Variants in ADCY2 observed in about 807,000 individuals in gnomAD.
ADCY2 encodes adenylate cyclase type 2.
In ADCY2, 31 loss-of-function variants were observed where a neutral mutation model predicts 125.2. The observed-to-expected ratio is 0.25, with a 90% CI of 0.19 to 0.33. ADCY2 has a LOEUF of 0.33. Among genes scored for constraint, ADCY2 ranks in the 10% least tolerant of loss-of-function variants. The probability of loss-of-function intolerance (pLI) is 1.00; values close to 1 mark genes in which losing one functional copy is unlikely to be tolerated. For missense variants in ADCY2, 904 were observed against 1,418.2 expected, an observed-to-expected ratio of 0.64 and a Z score of 5.82; for synonymous variants, 512 against 548.4, an observed-to-expected ratio of 0.93 and a Z score of 0.93.
chr5:7,514,793 G>T (rs1251416195), intron 2 of ADCY2, among the ~76,000 whole-genome samples: 1 of 152,224 alleles, frequency 6.6e-6, no homozygotes, highest in African/African-American at 2.4e-5. Flanking sequence ...TAAGATGGCA[G>T]TGGAGTGATC....
At chr5:7,609,376 T>C (rs1243296374) in intron 3 of ADCY2, among the ~76,000 whole-genome samples, 4 of 152,256 alleles carry the variant, frequency 2.6e-5, no homozygotes, top group Non-Finnish European at 5.9e-5. Flanking sequence ...AAAGTTTTCT[T>C]AAAATTACAG....
chr5:7,820,768 T>C, intron 24 of ADCY2, 79 bp downstream of exon 24: 1 of 1,446,484 alleles, frequency 6.9e-7, no homozygotes, highest in South Asian at 1.5e-5. Context: ...ATAATAAGGA[T>C]ACTAATATAT....
Position 7,640,517 on chromosome 5 carries a change from A to G in ADCY2, c.720+14201A>G, listed in dbSNP as rs150641032. On this transcript the variant is annotated intron_variant, in intron 4 of 24. Transcript: ENST00000338316. ...ACAAATTCTATATTAGAAAGAATTG[A>G]CAGATCTCTCAAAGTTGCTGATGAA... Among the ~76,000 whole-genome samples the G allele has an allele frequency of 3.7e-3, 560 of 152,342 alleles. 4 individuals carry two copies. Among genetic ancestry groups the G allele is most frequent in the African/African-American group, 0.013 (543 of 41,578 alleles).
At chr5:7,498,239 G>GTTTTTTT (rs910360437) in intron 2 of ADCY2, among the ~76,000 whole-genome samples, 1 of 62,112 alleles carries the variant, frequency 1.6e-5, no homozygotes, top group Admixed American at 1.9e-4. Flanking sequence ...TTCTTTTTTC[G>GTTTTTTT]TTTTTTTTTT....
At chr5:7,683,753 C>T (rs959615526) in intron 4 of ADCY2, among the ~76,000 whole-genome samples, 1 of 152,156 alleles carries the variant, frequency 6.6e-6, no homozygotes, top group African/African-American at 2.4e-5. Context: ...ATGTATCTGT[C>T]ATCTGTAGCA....
rs1554014546 is a variant in ADCY2, at chr5:7,501,650, C to CA, written c.409-19088_409-19087insA. Among the ~76,000 whole-genome samples the CA allele has an allele frequency of 1.0e-4, 10 of 95,370 alleles. 3 individuals are homozygous for CA. The highest frequency in any genetic ancestry group is 3.7e-4 in the African/African-American group (10 of 27,318). The allele number at this position is 95,370 out of a possible 152,430, so 62.6% of individuals were successfully genotyped here. The stretch of plus-strand genomic sequence containing the variant: ...AAAAAGAATGAGATTCCCCCCTCCC[C>CA]CCCCCCCCGCCAGTAACTTCAAGTT... On this transcript the variant is annotated intron_variant, in intron 2 of 24. Transcript: ENST00000338316.
intron 3 of ADCY2, 76 bp from the exon 4 acceptor site, chr5:7,626,091 A>C: frequency 6.8e-7 from 1 of 1,477,222 alleles, no homozygotes. Context: ...GACTGTTGCT[A>C]ATGTGCACTT....
chr5:7,453,576 A>G (rs1350022709), intron 2 of ADCY2, among the ~76,000 whole-genome samples: 1 of 152,184 alleles, frequency 6.6e-6, no homozygotes, highest in Admixed American at 6.5e-5. Context: ...TTAGAGCAGG[A>G]GTGAAATTGA....
At chr5:7,723,112 ATAG>A (rs1444459354) in intron 12 of ADCY2, among the ~76,000 whole-genome samples, 8 of 115,578 alleles carry the variant, frequency 6.9e-5, no homozygotes, top group African/African-American at 2.4e-4. Flanking sequence ...ACACGGACAC[ATAG>A]AGGACAATGA....
At chr5:7,683,260 G>A (rs1304230155) in intron 4 of ADCY2, among the ~76,000 whole-genome samples, 1 of 152,216 alleles carries the variant, frequency 6.6e-6, no homozygotes, top group East Asian at 1.9e-4. Context: ...TGCAGCTTGT[G>A]GGCACACCAC....
At chr5:7,450,485 A>T (rs564439033) in intron 2 of ADCY2, among the ~76,000 whole-genome samples, 2 of 152,372 alleles carry the variant, frequency 1.3e-5, no homozygotes, top group East Asian at 3.9e-4. Context: ...AATCTAGCAG[A>T]GGTGGCTTCA....
At chr5:7,622,970 C>T (rs996359399) in intron 3 of ADCY2, among the ~76,000 whole-genome samples, 1 of 152,162 alleles carries the variant, frequency 6.6e-6, no homozygotes, top group Admixed American at 6.6e-5. Context: ...TGTTCTGTTA[C>T]AACAAGGCCC....
chr5:7,829,235 T>C lies in ADCY2; in HGVS notation c.*2364T>C, dbSNP rs1288985735. ...GGGCTGGGGCCCAGCACAACTGCTG[T>C]TTAGTGAACAGGTTCTCCAGGTGAT... On this transcript the variant is annotated 3_prime_UTR_variant, in exon 25 of 25. Coordinates refer to ENST00000338316, the MANE Select transcript of ADCY2 (RefSeq NM_020546.3). 1 of 152,578 alleles carries C rather than the reference T, an allele frequency of 6.6e-6. No individual in the cohort carries two copies. The highest frequency in any genetic ancestry group is 1.5e-5 in the Non-Finnish European group (1 of 68,038). The allele number at this position is 152,578 out of a possible 1,614,324, so 9.5% of individuals were successfully genotyped here.
intron 2 of ADCY2, among the ~76,000 whole-genome samples, chr5:7,434,254 A>C (rs1740714904): frequency 6.6e-6 from 1 of 152,240 alleles, no homozygotes; most frequent in Non-Finnish European, 1.5e-5. Flanking sequence ...GAAAGGAAAA[A>C]AAGGAATAAC....
chr5:7,478,300 T>C (rs1419170620), intron 2 of ADCY2, among the ~76,000 whole-genome samples: 2 of 152,166 alleles, frequency 1.3e-5, no homozygotes, highest in Non-Finnish European at 2.9e-5. Context: ...AAAACAAACA[T>C]GTAAACTAAT....
rs540710328 is a variant in ADCY2 at position 7,667,052 on chromosome 5, C to T, written c.721-23639C>T. The stretch of plus-strand genomic sequence containing the variant: ...CTTGATGGGATAGCCCAATGTATAT[C>T]AAGAGATGGATGGATGAAGAACGGC... On this transcript the variant is annotated intron_variant, in intron 4 of 24. Coordinates refer to ENST00000338316, the MANE Select transcript of ADCY2 (RefSeq NM_020546.3). Among the ~76,000 whole-genome samples, 91 of 152,180 alleles carry T rather than the reference C, an allele frequency of 6.0e-4. 1 individual carries two copies. Among genetic ancestry groups the T allele is most frequent in the African/African-American group, 1.6e-3 (65 of 41,518 alleles).
At chr5:7,630,703 G>T (rs1738283913) in intron 4 of ADCY2, among the ~76,000 whole-genome samples, 1 of 151,624 alleles carries the variant, frequency 6.6e-6, no homozygotes, top group African/African-American at 2.4e-5. Flanking sequence ...TGCATTCTTT[G>T]GCTCCTAGAT....
intron 7 of ADCY2, 141 bp from the exon 8 acceptor site, chr5:7,706,603 T>G: frequency 4.5e-6 from 4 of 886,296 alleles, no homozygotes; most frequent in Non-Finnish European, 7.1e-6. Context: ...CTCAGAGGAG[T>G]GATCTCCTGC....
At chr5:7,670,652 CAGGGG>C (rs1417209941) in intron 4 of ADCY2, among the ~76,000 whole-genome samples, 1 of 152,154 alleles carries the variant, frequency 6.6e-6, no homozygotes, top group Non-Finnish European at 1.5e-5. Context: ...TTCCACAGAT[CAGGGG>C]AGAGGATGGT....
Sources: gnomAD v4.1 joint callset for allele counts (sites outside exome capture counted in the v4.1 genomes callset) on GRCh38, gnomAD v4.1.1 for gene constraint, MANE v1.5 for transcripts, NCBI Gene and HGNC (gene_info 2026-07-23, HGNC 2026-07-21) for gene names.